Variants in SRRM4 observed in about 807,000 individuals in gnomAD.
The protein encoded by SRRM4 is serine/arginine repetitive matrix 4, also known as serine/arginine repetitive matrix protein 4.
Under a neutral mutation model 68.9 loss-of-function variants are expected in SRRM4, and 33 were observed. That is an observed-to-expected ratio of 0.48 (90% CI 0.36 to 0.64). The LOEUF is 0.64. SRRM4 is among the 30% of genes least tolerant of loss of function. The pLI is 0.00. For missense variants in SRRM4, 817 were observed against 827.1 expected, an observed-to-expected ratio of 0.99 and a Z score of 0.15; for synonymous variants, 318 against 318.8, an observed-to-expected ratio of 1.00 and a Z score of 0.03.
chr12:119,150,623 C>G (rs1413899228), intron 9 of SRRM4, among the ~76,000 whole-genome samples: 1 of 152,166 alleles, frequency 6.6e-6, no homozygotes, highest in Non-Finnish European at 1.5e-5. Context: ...GTGTTACAAA[C>G]CAACTAGCAC....
intron 1 of SRRM4, among the ~76,000 whole-genome samples, chr12:119,028,319 A>T (rs918018771): frequency 6.6e-6 from 1 of 152,160 alleles, no homozygotes; most frequent in Non-Finnish European, 1.5e-5. Flanking sequence ...CTTGAATTGC[A>T]GCTCCCACAA....
At chr12:119,001,793 G>A (rs1953385615) in intron 1 of SRRM4, 1 of 151,950 alleles carries the variant, frequency 6.6e-6, no homozygotes, top group African/African-American at 2.4e-5. Flanking sequence ...AACCAGCCTG[G>A]GCAACATGAG....
chr12:119,102,668 A>C lies in SRRM4; in HGVS notation c.278+286A>C, dbSNP rs117455536. Among the ~76,000 whole-genome samples the C allele has an allele frequency of 4.6e-3, 698 of 152,342 alleles. 8 individuals carry two copies. Among genetic ancestry groups the C allele is most frequent in the Non-Finnish European group, 6.0e-3 (409 of 68,030 alleles). The stretch of plus-strand genomic sequence containing the variant: ...ATAAAATTGTATTTATAAAAGCAGG[A>C]GGCAGGCTAAATTGGCCCACTGGCT... On this transcript the variant is annotated intron_variant, in intron 2 of 12. Coordinates refer to ENST00000267260, the MANE Select transcript of SRRM4 (RefSeq NM_194286.4).
intron 1 of SRRM4, among the ~76,000 whole-genome samples, chr12:119,048,651 C>T (rs1251197877): frequency 1.3e-5 from 2 of 152,074 alleles, no homozygotes; most frequent in African/African-American, 2.4e-5. Context: ...CAATTGCGGG[C>T]TGGGTGCAGT....
intron 1 of SRRM4, among the ~76,000 whole-genome samples, chr12:119,027,022 T>G (rs1953553073): frequency 6.6e-6 from 1 of 151,908 alleles, no homozygotes; most frequent in Admixed American, 6.6e-5. Context: ...CAAGAAGGAG[T>G]CACATTTAGA....
intron 4 of SRRM4, among the ~76,000 whole-genome samples, chr12:119,117,410 C>G (rs767373281): frequency 9.2e-5 from 14 of 152,188 alleles, no homozygotes; most frequent in Non-Finnish European, 1.9e-4. Flanking sequence ...CACTGAATCT[C>G]TCTGTCTTGT....
At chr12:119,149,089 C>A (rs1294423711) in intron 9 of SRRM4, among the ~76,000 whole-genome samples, 1 of 152,148 alleles carries the variant, frequency 6.6e-6, no homozygotes, top group African/African-American at 2.4e-5. Flanking sequence ...GTGGCTCATG[C>A]CTGTAATCCC....
chr12:119,003,303 CCCA>C (rs1427368115), intron 1 of SRRM4, among the ~76,000 whole-genome samples: 3 of 151,742 alleles, frequency 2.0e-5, no homozygotes, highest in African/African-American at 7.2e-5. Context: ...CAATCTAAGA[CCCA>C]AACTGAATAG....
At chr12:119,090,345 A>G (rs1384806006) in intron 1 of SRRM4, among the ~76,000 whole-genome samples, 1 of 152,188 alleles carries the variant, frequency 6.6e-6, no homozygotes, top group Non-Finnish European at 1.5e-5. Flanking sequence ...TTGAGATAGG[A>G]GAAAGGGAGT....
Position 119,156,611 on chromosome 12 carries a change from C to CCCGGAG in SRRM4, c.1656_1661dup (p.Ser558_Arg559dup), listed in dbSNP as rs774714177. 3.1e-6 allele frequency: 5 copies of CCCGGAG among 1,610,272 alleles called. No homozygotes were observed. The highest frequency in any genetic ancestry group is 3.3e-5 in the Admixed American group (2 of 59,920). ...AGCCGCTCGGCCAGCCGCAGCTACT[C>CCCGGAG]CCGGAGCCGGAGTCGGAGCCGGAGC... is the stretch of plus-strand genomic sequence containing the variant. On this transcript the variant is annotated inframe_insertion, in exon 13 of 13. Coordinates refer to ENST00000267260, the MANE Select transcript of SRRM4 (RefSeq NM_194286.4).
chr12:119,066,654 A>G (rs992521899), intron 1 of SRRM4, among the ~76,000 whole-genome samples: 2 of 152,208 alleles, frequency 1.3e-5, no homozygotes, highest in Non-Finnish European at 2.9e-5. Context: ...TTGCTTCCTT[A>G]GGTTTCAAGG....
At chr12:119,053,339 G>A (rs1320986578) in intron 1 of SRRM4, among the ~76,000 whole-genome samples, 3 of 152,082 alleles carry the variant, frequency 2.0e-5, no homozygotes, top group African/African-American at 7.2e-5. Context: ...TAAGCCAATT[G>A]CAAAAATAAT....
chr12:119,077,383 CT>C (rs1049311489), intron 1 of SRRM4, among the ~76,000 whole-genome samples: 24 of 152,126 alleles, frequency 1.6e-4, no homozygotes, highest in Admixed American at 3.3e-4. Context: ...AATTAACACA[CT>C]TACGATTCTG....
rs749752507 is a variant in SRRM4 at position 119,145,580 on chromosome 12, G to A, written c.971G>A (p.Ser324Asn). The A allele has an allele frequency of 1.3e-6, 2 of 1,599,036 alleles. No homozygotes were observed. The highest frequency in any genetic ancestry group is 1.7e-6 in the Non-Finnish European group (2 of 1,172,422). The change falls in exon 9 of 13, where the codon AGT (serine) becomes AAT (asparagine). Residue 324 changes from serine (S) to asparagine (N), a missense_variant. By Grantham distance (46) the Ser-to-Asn change is conservative (BLOSUM62 1). Coordinates refer to ENST00000267260, the MANE Select transcript of SRRM4 (RefSeq NM_194286.4). ...GGLSKSRELN[S>N]GNTSDSGNSF... ...TTGAGCAAGAGCCGGGAGCTCAACA[G>A]TGGCAACACCTCTGATTCAGGGAAC...
chr12:119,013,108 G>T (rs1459012847), intron 1 of SRRM4, among the ~76,000 whole-genome samples: 1 of 152,172 alleles, frequency 6.6e-6, no homozygotes, highest in Admixed American at 6.5e-5. Flanking sequence ...TAAGTTAAGT[G>T]ACATGATCTT....
rs527455862 is a variant in SRRM4 at position 119,051,370 on chromosome 12, C to G, written c.132-50866C>G. Among the ~76,000 whole-genome samples, 22 of 152,252 alleles carry G rather than the reference C, an allele frequency of 1.4e-4. No homozygotes were observed. In the South Asian group the frequency reaches 2.3e-3, roughly 16 times the overall value. On this transcript the variant is annotated intron_variant, in intron 1 of 12. Coordinates refer to ENST00000267260, the MANE Select transcript of SRRM4 (RefSeq NM_194286.4). ...CCAACACTGGGAGAAAAGTAAACTC[C>G]TACTCTACTGGGGGAAAAAAGCAAG...
At chr12:119,125,969 G>A (rs1954256646) in intron 7 of SRRM4, among the ~76,000 whole-genome samples, 1 of 148,182 alleles carries the variant, frequency 6.7e-6, no homozygotes, top group Non-Finnish European at 1.5e-5. Flanking sequence ...AGACCAAAAG[G>A]TCTTGCTGCC....
chr12:119,133,973 A>G (rs573986068), intron 8 of SRRM4, among the ~76,000 whole-genome samples: 1 of 152,230 alleles, frequency 6.6e-6, no homozygotes, highest in South Asian at 2.1e-4. Context: ...GAAGGTAACA[A>G]TTACCTGAAA....
intron 1 of SRRM4, among the ~76,000 whole-genome samples, chr12:119,061,732 C>G (rs1217681749): frequency 2.6e-5 from 4 of 152,062 alleles, no homozygotes; most frequent in African/African-American, 9.7e-5. Flanking sequence ...ATAGGATATA[C>G]CAGAATTTCT....
Sources: allele counts gnomAD v4.1 joint callset (sites outside exome capture counted in the v4.1 genomes callset), GRCh38; gene constraint gnomAD v4.1.1; transcripts MANE v1.5; gene names NCBI Gene and HGNC (gene_info 2026-07-23, HGNC 2026-07-21).